RPP30: variants seen among roughly 807,000 people sequenced by gnomAD.
RPP30 encodes the protein ribonuclease P/MRP subunit p30.
Under a neutral mutation model 38.6 loss-of-function variants are expected in RPP30, and 36 were observed. The ratio of observed to expected loss-of-function variants is 0.93; its 90% confidence interval spans 0.71 to 1.23. The LOEUF is 1.23. Ranked by LOEUF, RPP30 falls within the 50% of genes most tolerant of loss-of-function variation. RPP30 has a pLI of 0.00. For synonymous variants in RPP30, 126 were observed against 112.7 expected (o/e 1.12, Z -0.75); for missense variants, 321 against 321.7 (o/e 1.00, Z 0.02).
chr10:90,894,883 A>G lies in RPP30; in HGVS notation c.541A>G (p.Lys181Glu). 1.3e-6 allele frequency: 2 copies of G among 1,598,386 alleles called. No homozygotes were observed. The highest frequency in any genetic ancestry group is 4.5e-5 in the East Asian group (2 of 44,790). Residue 181 changes from lysine to glutamate, a missense_variant, in exon 7 of 11, where the codon AAA becomes GAA. By Grantham distance (56) the Lys-to-Glu change is moderately conservative. Transcript: ENST00000371703. ...SSALNLMQIC[K>E]GKNVIISSAA... ...TGCCCTCAATTTGATGCAAATCTGC[A>G]AAGGAAAGGTATGGTTCTATAATTT...
In RPP30 at chr10:90,901,561, A is replaced by G. The variant is rs1589503627; in HGVS notation, c.*882A>G. On this transcript the variant is annotated 3_prime_UTR_variant, in exon 11 of 11. Transcript: ENST00000371703. ...AATAGGATTCCTTACTTTTAGTTAG[A>G]AACCCCTAAAACGCTAATATTGATT... The G allele has an allele frequency of 2.0e-6, 2 of 985,310 alleles. No homozygotes were observed. The highest frequency in any genetic ancestry group is 2.4e-6 in the Non-Finnish European group (2 of 829,822). The allele number at this position is 985,310 out of a possible 1,614,324, so 61.0% of individuals were successfully genotyped here.
chr10:90,896,325 T>A lies in RPP30; in HGVS notation c.630T>A (p.Phe210Leu), dbSNP rs550432912. 1 of 1,614,100 alleles carries A rather than the reference T, an allele frequency of 6.2e-7. No individual in the cohort carries two copies. Among genetic ancestry groups the A allele is most frequent in the South Asian group, 1.1e-5 (1 of 91,078 alleles). ...PYDVANLGLL[F>L]GLSESDAKAA... ...ATGCTCCCCCAAGAGGCTTGCTGTT[T>A]GGGCTCTCTGAAAGTGACGCCAAGG... The change falls in exon 10 of 11, where the codon TTT becomes TTA. Residue 210 changes from phenylalanine (F) to leucine (L), a missense_variant. Transcript: ENST00000371703.
At position 90,901,042 on chromosome 10, in the gene RPP30, T is replaced by C. The variant is rs1288617421; in HGVS notation, c.*363T>C. The C allele has an allele frequency of 1.6e-6, 1 of 630,294 alleles. No individual in the cohort carries two copies. The highest frequency in any genetic ancestry group is 2.0e-5 in the African/African-American group (1 of 49,542). The allele number at this position is 630,294 out of a possible 1,614,324, so 39.0% of individuals were successfully genotyped here. On this transcript the variant is annotated 3_prime_UTR_variant, in exon 11 of 11. Coordinates refer to ENST00000371703, the MANE Select transcript of RPP30 (RefSeq NM_006413.5). ...CTCAGGCTGGAGTACAGTGGCATAA[T>C]CACAGCTCACTGCAACCTCAATCCT...
chr10:90,898,554 C>T (rs1847168724), intron 10 of RPP30, among the ~76,000 whole-genome samples: 1 of 152,082 alleles, frequency 6.6e-6, no homozygotes, highest in Admixed American at 6.5e-5. Flanking sequence ...ATTCTGAGTG[C>T]CACATTTAAG....
chr10:90,898,949 G>A (rs181855354), intron 10 of RPP30, among the ~76,000 whole-genome samples: 191 of 152,258 alleles, frequency 1.3e-3, no homozygotes, highest in Non-Finnish European at 2.1e-3. Flanking sequence ...TTATTCACTC[G>A]TAGATAATCC....
chr10:90,875,588 CT>C lies in RPP30; in HGVS notation c.170del (p.Leu57ProfsTer18). On this transcript the variant is annotated frameshift_variant, in exon 3 of 11. Coordinates refer to ENST00000371703, the MANE Select transcript of RPP30 (RefSeq NM_006413.5). LOFTEE classifies it high-confidence loss of function. ...TGAAAAACCAGTAGCTGTTTCTGAA[CT>C]CTTCACAACTTTGCCAATTGTACAG... Reference protein sequence around the residue: ...EIEKPVAVSELFTTLPIVQGK... With the variant: ...EIEKPVAVSEXFTTLPIVQGK... The C allele has an allele frequency of 6.2e-7, 1 of 1,613,516 alleles. No homozygotes were observed. The highest frequency in any genetic ancestry group is 2.2e-5 in the East Asian group (1 of 44,808).
intron 10 of RPP30, among the ~76,000 whole-genome samples, chr10:90,897,989 A>G (rs1055715687): frequency 1.3e-5 from 2 of 152,184 alleles, no homozygotes; most frequent in Admixed American, 6.5e-5. Context: ...TGTATTGACT[A>G]TGGTCACCCT....
In RPP30 at chr10:90,875,679, G is replaced by T. The variant is rs113124007; in HGVS notation, c.195+65G>T. The T allele has an allele frequency of 4.4e-6, 6 of 1,372,034 alleles. No individual in the cohort carries two copies. The East Asian group carries it at 1.4e-4, about 31-fold the overall frequency. 85.0% of individuals were successfully genotyped at this position (1,372,034 alleles called of 1,614,324 possible). Reference sequence around the variant, plus strand: ...TTCAGTTAAAAGGTACCTAATTATTGTGCTATTCTCTAGCTTGAGCTGCAC... The same window carrying T: ...TTCAGTTAAAAGGTACCTAATTATTTTGCTATTCTCTAGCTTGAGCTGCAC... On this transcript the variant is annotated intron_variant, in intron 3 of 10. Transcript: ENST00000371703.
At chr10:90,896,535 G>T in intron 10 of RPP30, 143 bp downstream of exon 10, 1 of 600,530 alleles carries the variant, frequency 1.7e-6, no homozygotes. Context: ...AGTCATCAGT[G>T]TTTTCTCACC....
intron 9 of RPP30, 112 bp downstream of exon 9, chr10:90,896,029 C>A (rs1161524803): frequency 2.1e-5 from 17 of 791,902 alleles, no homozygotes; most frequent in Non-Finnish European, 2.1e-5. Context: ...GTAAGTTTAC[C>A]AATTAATAAC....
chr10:90,898,273 T>C, intron 10 of RPP30, among the ~76,000 whole-genome samples: 1 of 152,222 alleles, frequency 6.6e-6, no homozygotes. Flanking sequence ...TTCACCCCAG[T>C]GTACCCAGGA....
intron 1 of RPP30, among the ~76,000 whole-genome samples, chr10:90,872,761 G>C (rs1846799186): frequency 6.6e-6 from 1 of 152,216 alleles, no homozygotes; most frequent in African/African-American, 2.4e-5. Flanking sequence ...ACAGTTTTCA[G>C]CTCATTGTGA....
chr10:90,874,514 A>G (rs1846825023), intron 1 of RPP30, among the ~76,000 whole-genome samples: 1 of 152,256 alleles, frequency 6.6e-6, no homozygotes, highest in African/African-American at 2.4e-5. Context: ...GCACAAAGTT[A>G]AGAGTCTTTA....
At chr10:90,896,499 A>T (rs538040168) in intron 10 of RPP30, 107 bp downstream of exon 10, 9 of 808,524 alleles carry the variant, frequency 1.1e-5, no homozygotes, top group Non-Finnish European at 1.7e-5. Context: ...CTTTGGGATC[A>T]TCTTTTCTCA....
chr10:90,899,870 T>C (rs1031415662), intron 10 of RPP30, among the ~76,000 whole-genome samples: 1 of 152,204 alleles, frequency 6.6e-6, no homozygotes, highest in Non-Finnish European at 1.5e-5. Flanking sequence ...GGAATCTTAA[T>C]ACCCTCTGTA....
chr10:90,902,370 AC>A, downstream of RPP30: 2 of 369,240 alleles, frequency 5.4e-6, no homozygotes. Flanking sequence ...AGCATGCACC[AC>A]CACATCCCAG....
intron 6 of RPP30, among the ~76,000 whole-genome samples, chr10:90,893,660 G>T (rs1015142572): frequency 2.0e-5 from 3 of 152,142 alleles, no homozygotes; most frequent in Non-Finnish European, 2.9e-5. Flanking sequence ...CTGCAACCTT[G>T]AAGACTTTTG....
chr10:90,872,472 G>T (rs1057213278), intron 1 of RPP30, among the ~76,000 whole-genome samples: 7 of 152,312 alleles, frequency 4.6e-5, no homozygotes, highest in East Asian at 1.9e-4. Context: ...AGGAAGCGCC[G>T]TGGAGGCTCG....
Position 90,872,081 on chromosome 10 carries a change from G to A in RPP30, c.82+13G>A, listed in dbSNP as rs559537246. ...ACAGCCGCTCACCGTGAGTTGCCCCGGCTTCGCGCCTGGCCAACCTCATGC... is the reference window on the plus strand; with the variant it reads ...ACAGCCGCTCACCGTGAGTTGCCCCAGCTTCGCGCCTGGCCAACCTCATGC... On this transcript the variant is annotated intron_variant, in intron 1 of 10. Transcript: ENST00000371703. The A allele has an allele frequency of 6.2e-7, 1 of 1,612,816 alleles. No individual in the cohort carries two copies. The highest frequency in any genetic ancestry group is 2.2e-5 in the East Asian group (1 of 44,876).
Sources: gnomAD v4.1 joint callset for allele counts (sites outside exome capture counted in the v4.1 genomes callset) on GRCh38, gnomAD v4.1.1 for gene constraint, MANE v1.5 for transcripts, NCBI Gene and HGNC (gene_info 2026-07-23, HGNC 2026-07-21) for gene names.